Variants in CPEB2 observed in about 807,000 individuals in gnomAD.
CPEB2 encodes the protein cytoplasmic polyadenylation element-binding protein 2.
Under a neutral mutation model 93.6 loss-of-function variants are expected in CPEB2, and 56 were observed. That is an observed-to-expected ratio of 0.60 (90% CI 0.48 to 0.75). The LOEUF is 0.75. CPEB2 is among the 30% of genes least tolerant of loss of function. The pLI is 0.00. For missense variants in CPEB2, 1,579 were observed against 1,395.1 expected (o/e 1.13, Z -2.10); for synonymous variants, 764 against 586.3 (o/e 1.30, Z -4.38).
intron 3 of CPEB2, among the ~76,000 whole-genome samples, chr4:15,012,472 T>TA (rs1723616957): frequency 6.6e-6 from 1 of 152,176 alleles, no homozygotes; most frequent in African/African-American, 2.4e-5. Flanking sequence ...AATATATGGA[T>TA]AAAAAATACT....
chr4:15,061,020 C>A (rs1269220472), intron 10 of CPEB2, among the ~76,000 whole-genome samples: 2 of 152,122 alleles, frequency 1.3e-5, no homozygotes, highest in East Asian at 3.9e-4. Context: ...CTGTTGCTTT[C>A]TAACTGGGTC....
intron 5 of CPEB2, among the ~76,000 whole-genome samples, chr4:15,036,798 G>T (rs760301999): frequency 3.9e-5 from 6 of 152,146 alleles, no homozygotes; most frequent in Non-Finnish European, 7.4e-5. Context: ...ATGTCATAAA[G>T]AGCTTACTGT....
chr4:15,067,771 A>C lies in CPEB2; in HGVS notation c.*1391A>C, dbSNP rs776791658. ...TGGCTTGAACTTGCTTATGTGTTTA[A>C]CCTATAAATATTGGGGTCTTCTGTC... On this transcript the variant is annotated 3_prime_UTR_variant, in exon 12 of 12. Coordinates refer to ENST00000538197, the MANE Select transcript of CPEB2 (RefSeq NM_001177382.2). The C allele has an allele frequency of 6.6e-6, 1 of 152,420 alleles. No homozygotes were observed. Among genetic ancestry groups the C allele is most frequent in the Admixed American group, 6.6e-5 (1 of 15,228 alleles). 9.4% of individuals were successfully genotyped at this position (152,420 alleles called of 1,614,324 possible). A position where few individuals can be genotyped will look rare whatever the true frequency, so the allele number is the denominator to read the frequency against.
intron 6 of CPEB2, among the ~76,000 whole-genome samples, chr4:15,045,319 T>C (rs1159534168): frequency 3.9e-5 from 6 of 152,184 alleles, no homozygotes; most frequent in Non-Finnish European, 2.9e-5. Context: ...TTGCCTTTCA[T>C]TCATATGTAT....
At chr4:15,013,159 A>C (rs1723705529) in intron 3 of CPEB2, among the ~76,000 whole-genome samples, 1 of 151,898 alleles carries the variant, frequency 6.6e-6, no homozygotes, top group Admixed American at 6.6e-5. Context: ...GTTTGTGGCA[A>C]ATGTCTGGGT....
At chr4:15,004,419 C>G (rs929569127) in intron 1 of CPEB2, 84 bp downstream of exon 1, 41 of 1,064,330 alleles carry the variant, frequency 3.9e-5, no homozygotes, top group Admixed American at 1.2e-4. Context: ...CAGCCGGGGA[C>G]CCGACCTTAG....
chr4:15,059,070 T>C (rs1224926205), intron 9 of CPEB2, 117 bp from the exon 10 acceptor site: 2 of 540,960 alleles, frequency 3.7e-6, no homozygotes, highest in Non-Finnish European at 6.6e-6. Context: ...TGTTTCCAGA[T>C]CCCACTATAC....
intron 1 of CPEB2, chr4:15,005,230 C>G (rs1027938524): frequency 1.3e-5 from 2 of 152,232 alleles, no homozygotes; most frequent in Non-Finnish European, 2.9e-5. Context: ...AGTTTCTGTG[C>G]TTTTCAATGT....
At chr4:15,018,796 G>T (rs1176447141) in intron 4 of CPEB2, among the ~76,000 whole-genome samples, 5 of 144,356 alleles carry the variant, frequency 3.5e-5, no homozygotes, top group Non-Finnish European at 7.6e-5. Flanking sequence ...TTTTAAACAT[G>T]TTAGACAAAA....
chr4:15,055,750 T>G (rs1261498700), intron 8 of CPEB2, among the ~76,000 whole-genome samples: 1 of 152,212 alleles, frequency 6.6e-6, no homozygotes, highest in Non-Finnish European at 1.5e-5. Flanking sequence ...TCTTTCTAGC[T>G]TCTTCTACTA....
At chr4:15,024,840 G>A (rs1379932255) in intron 4 of CPEB2, among the ~76,000 whole-genome samples, 1 of 151,386 alleles carries the variant, frequency 6.6e-6, no homozygotes, top group African/African-American at 2.4e-5. Flanking sequence ...TTGCCTCCCG[G>A]GTTCAAGTGA....
At position 15,007,198 on chromosome 4, in the gene CPEB2, G is replaced by T. The variant is rs888521078; in HGVS notation, c.1663-107G>T. On this transcript the variant is annotated intron_variant, in intron 1 of 11. Coordinates refer to ENST00000538197, the MANE Select transcript of CPEB2 (RefSeq NM_001177382.2). ...TAACCTAGAAAAGATGTATTCTTTTGCCTTTATATATTTCATTCATATAAA... is the reference window on the plus strand; with the variant it reads ...TAACCTAGAAAAGATGTATTCTTTTTCCTTTATATATTTCATTCATATAAA... 3.4e-5 allele frequency: 30 copies of T among 885,100 alleles called. No individual in the cohort carries two copies. The African/African-American group carries it at 4.8e-4, about 14-fold the overall frequency. The allele number at this position is 885,100 out of a possible 1,614,324, so 54.8% of individuals were successfully genotyped here.
rs1722141858 is a variant in CPEB2, at chr4:15,002,866, T to G, written c.193T>G (p.Phe65Val). The change falls in exon 1 of 12, where the codon TTC becomes GTC. Residue 65 changes from phenylalanine (F) to valine (V), a missense_variant. This residue lies in a region of CPEB2 where 1,411 missense variants were observed against 1,056.0 expected (regional missense o/e 1.34). Coordinates refer to ENST00000538197, the MANE Select transcript of CPEB2 (RefSeq NM_001177382.2). ...CGGCTTCTTAGAGGCCGCCTCCCCC[T>G]TCTCCGTCCCCCTCGGCGGCGGCGC... The part of the protein sequence containing the change: ...VTGFLEAASP[F>V]SVPLGGGAGS... 6.5e-7 allele frequency: 1 copy of G among 1,531,132 alleles called. No individual in the cohort carries two copies. The highest frequency in any genetic ancestry group is 8.7e-7 in the Non-Finnish European group (1 of 1,145,248). The allele number at this position is 1,531,132 out of a possible 1,614,324, so 94.8% of individuals were successfully genotyped here. A position where few individuals can be genotyped will look rare whatever the true frequency, so the allele number is the denominator to read the frequency against.
At chr4:15,049,165 ATATTT>A (rs1193884600) in intron 6 of CPEB2, among the ~76,000 whole-genome samples, 2 of 152,016 alleles carry the variant, frequency 1.3e-5, no homozygotes, top group African/African-American at 2.4e-5. Flanking sequence ...ATACTAAGTA[ATATTT>A]TATTATAGTA....
chr4:15,019,345 A>G (rs1724565155), intron 4 of CPEB2, among the ~76,000 whole-genome samples: 1 of 151,842 alleles, frequency 6.6e-6, no homozygotes. Context: ...TATTAATACA[A>G]ATTCCACTGC....
In CPEB2 at chr4:15,068,279, G is replaced by A. The variant is rs1560262345; in HGVS notation, c.*1899G>A. On this transcript the variant is annotated 3_prime_UTR_variant, in exon 12 of 12. Transcript: ENST00000538197. Reference sequence around the variant, plus strand: ...ATGTCTAACTCTGCTGTTTTATTGTGGTTGTGGTTCAAGTTTTTAATGTTT... The same window carrying A: ...ATGTCTAACTCTGCTGTTTTATTGTAGTTGTGGTTCAAGTTTTTAATGTTT... 2 of 152,234 alleles carry A rather than the reference G, an allele frequency of 1.3e-5. No individual in the cohort carries two copies. Among genetic ancestry groups the A allele is most frequent in the Non-Finnish European group, 2.9e-5 (2 of 67,808 alleles). The allele number at this position is 152,234 out of a possible 1,614,324, so 9.4% of individuals were successfully genotyped here. A position where few individuals can be genotyped will look rare whatever the true frequency, so the allele number is the denominator to read the frequency against.
rs528463025 is a variant in CPEB2 at position 15,033,897 on chromosome 4, A to G, written c.2176+686A>G. On this transcript the variant is annotated intron_variant, in intron 5 of 11. Coordinates refer to ENST00000538197, the MANE Select transcript of CPEB2 (RefSeq NM_001177382.2). ...GTGGAGAGGGAAATAGGAAGGGGAA[A>G]GAATAGAAATAGTATTAATATTTAC... 3.3e-5 allele frequency among the ~76,000 whole-genome samples: 5 copies of G among 151,842 alleles called. No individual in the cohort carries two copies. The East Asian group carries it at 7.7e-4, about 24-fold the overall frequency.
Position 15,009,985 on chromosome 4 carries a change from G to T in CPEB2, c.2034+1558G>T, listed in dbSNP as rs1222769189. On this transcript the variant is annotated intron_variant, in intron 3 of 11. Transcript: ENST00000538197. The stretch of plus-strand genomic sequence containing the variant: ...AATTTATTTTAGGAAAAATGATTTT[G>T]GTGCTTAAAGATAAACTTATCTGGT... Among the ~76,000 whole-genome samples the T allele has an allele frequency of 3.3e-5, 5 of 152,240 alleles. No individual in the cohort carries two copies. In the South Asian group the frequency reaches 8.3e-4, roughly 25 times the overall value.
At chr4:15,049,180 A>G (rs758540849) in intron 6 of CPEB2, among the ~76,000 whole-genome samples, 1 of 152,090 alleles carries the variant, frequency 6.6e-6, no homozygotes, top group Non-Finnish European at 1.5e-5. Flanking sequence ...TTATTATAGT[A>G]AACAAAAAGT....
Sources: gnomAD v4.1 joint callset for allele counts (sites outside exome capture counted in the v4.1 genomes callset) on GRCh38, gnomAD v4.1.1 for gene constraint, gnomAD v4.1.1 regional missense constraint, MANE v1.5 for transcripts, NCBI Gene and HGNC (gene_info 2026-07-23, HGNC 2026-07-21) for gene names.